The following HOMER2 variants were observed in gnomAD, a reference collection of about 807,000 sequenced individuals.
The protein encoded by HOMER2 is homer protein homolog 2.
HOMER2 carries 27 observed loss-of-function variants against 47.0 expected under a neutral mutation model. The observed-to-expected ratio is 0.57, with a 90% CI of 0.42 to 0.79. HOMER2 has a LOEUF of 0.79. Ranked by LOEUF, HOMER2 falls within the 30% of genes least tolerant of loss-of-function variation. HOMER2 has a pLI of 0.00. For missense variants in HOMER2, 443 were observed against 435.0 expected (o/e 1.02, Z -0.16); for synonymous variants, 161 against 163.8 (o/e 0.98, Z 0.13).
downstream of HOMER2, among the ~76,000 whole-genome samples, chr15:82,957,818 T>C (rs1012798790): frequency 6.6e-6 from 1 of 152,190 alleles, no homozygotes; most frequent in East Asian, 1.9e-4. Context: ...TCCAGAGATT[T>C]TGATAGCATC....
intron 1 of HOMER2, among the ~76,000 whole-genome samples, chr15:82,918,578 A>C (rs1310208828): frequency 6.6e-6 from 1 of 152,048 alleles, no homozygotes; most frequent in Non-Finnish European, 1.5e-5. Context: ...CACAGCTTTG[A>C]GGACATGTCT....
At chr15:82,952,493 A>T (rs2054529315) in intron 1 of HOMER2, 38 bp downstream of exon 1, 3 of 1,178,632 alleles carry the variant, frequency 2.5e-6, no homozygotes, top group African/African-American at 1.6e-5. Flanking sequence ...GTCCCTCCGG[A>T]GGGGCGCGCG....
At chr15:82,947,908 C>T (rs761551918) in intron 1 of HOMER2, among the ~76,000 whole-genome samples, 8 of 152,120 alleles carry the variant, frequency 5.3e-5, no homozygotes, top group South Asian at 2.1e-4. Context: ...TGGGGGAAGA[C>T]GGATTATAAA....
At chr15:82,933,960 C>G (rs528618076) in intron 1 of HOMER2, among the ~76,000 whole-genome samples, 25 of 152,260 alleles carry the variant, frequency 1.6e-4, no homozygotes, top group African/African-American at 5.5e-4. Flanking sequence ...TCTCCCTGCC[C>G]TGGATGTTCC....
chr15:82,919,515 A>G (rs1333084860), intron 1 of HOMER2, among the ~76,000 whole-genome samples: 1 of 152,180 alleles, frequency 6.6e-6, no homozygotes, highest in Non-Finnish European at 1.5e-5. Flanking sequence ...TAATAATCCA[A>G]TTATCCAACT....
chr15:82,957,454 T>C (rs2054596340), upstream of HOMER2, among the ~76,000 whole-genome samples: 1 of 152,120 alleles, frequency 6.6e-6, no homozygotes, highest in Non-Finnish European at 1.5e-5. Context: ...GTCAAAATGG[T>C]TCTTATATAA....
At chr15:82,921,245 ACCACTGCACT>A (rs1270575146) in intron 1 of HOMER2, among the ~76,000 whole-genome samples, 1 of 152,092 alleles carries the variant, frequency 6.6e-6, no homozygotes, top group East Asian at 1.9e-4. Context: ...CCAAGATCGC[ACCACTGCACT>A]CCAGCCTGGA....
intron 1 of HOMER2, among the ~76,000 whole-genome samples, chr15:82,902,974 C>T (rs534555164): frequency 6.6e-5 from 10 of 152,310 alleles, no homozygotes; most frequent in African/African-American, 2.4e-4. Flanking sequence ...ACCTAAGAGT[C>T]TGTTATATTT....
At chr15:82,893,824 T>C (rs2052810311) in intron 1 of HOMER2, among the ~76,000 whole-genome samples, 1 of 151,772 alleles carries the variant, frequency 6.6e-6, no homozygotes, top group African/African-American at 2.4e-5. Flanking sequence ...ACAGGGTCTC[T>C]CTGTGTTGCC....
chr15:82,863,611 A>G (rs2051865206), intron 4 of HOMER2, among the ~76,000 whole-genome samples: 2 of 152,142 alleles, frequency 1.3e-5, no homozygotes, highest in Admixed American at 1.3e-4. Flanking sequence ...ACCACCACAT[A>G]TACTAATCTA....
intron 1 of HOMER2, among the ~76,000 whole-genome samples, chr15:82,951,346 C>G (rs2054501391): frequency 6.6e-6 from 1 of 152,214 alleles, no homozygotes; most frequent in Non-Finnish European, 1.5e-5. Context: ...CTCTGATCCC[C>G]TCACACACTC....
At chr15:82,854,822 TGAC>T in intron 5 of HOMER2, 22 bp from the exon 6 acceptor site, 1 of 1,599,462 alleles carries the variant, frequency 6.3e-7, no homozygotes. Flanking sequence ...GGACGGGCGG[TGAC>T]GACGGGGTGG....
intron 4 of HOMER2, 177 bp from the exon 5 acceptor site, chr15:82,859,312 T>TC (rs1258778141): frequency 1.2e-6 from 1 of 845,188 alleles, no homozygotes; most frequent in Non-Finnish European, 1.8e-6. Flanking sequence ...TTGTTTTTTT[T>TC]TTAAACAAAC....
chr15:82,932,275 A>T (rs1473549564), intron 1 of HOMER2, among the ~76,000 whole-genome samples: 2 of 152,228 alleles, frequency 1.3e-5, no homozygotes, highest in African/African-American at 4.8e-5. Flanking sequence ...AAGGTGGATC[A>T]CTTGAGGTCA....
intron 2 of HOMER2, among the ~76,000 whole-genome samples, chr15:82,881,835 G>A (rs543081620): frequency 8.9e-4 from 136 of 152,318 alleles, no homozygotes; most frequent in Non-Finnish European, 1.7e-3. Context: ...TTCCAATACA[G>A]GTTTCTGTGA....
In HOMER2 at chr15:82,854,798, G is replaced by A. The variant is rs752753180; in HGVS notation, c.497C>T (p.Ala166Val). The A allele has an allele frequency of 1.1e-5, 18 of 1,608,310 alleles. No homozygotes were observed. Among genetic ancestry groups the A allele is most frequent in the Non-Finnish European group, 1.5e-5 (18 of 1,179,396 alleles). The stretch of plus-strand genomic sequence containing the variant: ...GATCTCCCACTTCTTCACGTTGGCT[G>A]CGCTGCAGGACAGGGACGGGCGGTG... ...DKLKIALTQS[A>V]ANVKKWEIEL... The change falls in exon 6 of 9, where the codon GCA becomes GTA. Residue 166 changes from alanine (A) to valine (V), a missense_variant and splice_region_variant. Physicochemically the swap from Ala to Val is moderately conservative, Grantham distance 64. Coordinates refer to ENST00000450735, the MANE Select transcript of HOMER2 (RefSeq NM_004839.4).
intron 1 of HOMER2, among the ~76,000 whole-genome samples, chr15:82,970,969 G>A (rs1312392422): frequency 6.6e-6 from 1 of 152,228 alleles, no homozygotes; most frequent in African/African-American, 2.4e-5. Flanking sequence ...TGAGGACACA[G>A]AGGTGAAAAG....
chr15:82,890,073 G>A (rs565605764), intron 2 of HOMER2, among the ~76,000 whole-genome samples: 6 of 152,298 alleles, frequency 3.9e-5, no homozygotes, highest in South Asian at 2.1e-4. Context: ...GGCAGGGCGC[G>A]TTGGCTCACA....
intron 1 of HOMER2, among the ~76,000 whole-genome samples, chr15:82,976,678 G>GTTTTT (rs11422973): frequency 8.0e-6 from 1 of 125,206 alleles, no homozygotes; most frequent in Non-Finnish European, 1.6e-5. Context: ...TTTGTGTGTG[G>GTTTTT]TTTTTTTTTT....
Sources: gnomAD v4.1 joint callset for allele counts (sites outside exome capture counted in the v4.1 genomes callset) on GRCh38, gnomAD v4.1.1 for gene constraint, MANE v1.5 for transcripts, NCBI Gene and HGNC (gene_info 2026-07-23, HGNC 2026-07-21) for gene names.